The following DNAH12 variants were observed in gnomAD, a reference collection of about 807,000 sequenced individuals.
DNAH12 encodes dynein axonemal heavy chain 12.
A neutral mutation model predicts 371.5 loss-of-function variants in DNAH12; 285 were observed. That is an observed-to-expected ratio of 0.77 (90% CI 0.70 to 0.85). The LOEUF (loss-of-function observed/expected upper bound fraction) is 0.85. Among genes scored for constraint, DNAH12 ranks in the 40% least tolerant of loss-of-function variants. The pLI, the probability that DNAH12 is intolerant of heterozygous loss-of-function variation, is 0.00. For missense variants in DNAH12, 3,611 were observed against 3,689.4 expected (o/e 0.98, Z 0.55); for synonymous variants, 1,200 against 1,213.0 (o/e 0.99, Z 0.22).
At chr3:57,298,532 C>T (rs2061280052) in intron 70 of DNAH12, among the ~76,000 whole-genome samples, 1 of 152,234 alleles carries the variant, frequency 6.6e-6, no homozygotes, top group Non-Finnish European at 1.5e-5. Context: ...TTTGCAGTTA[C>T]ATGAGGGAAC....
At chr3:57,439,652 C>CAA (rs950690020) in intron 29 of DNAH12, among the ~76,000 whole-genome samples, 2 of 152,098 alleles carry the variant, frequency 1.3e-5, no homozygotes, top group African/African-American at 2.4e-5. Context: ...ACTAAGTCCT[C>CAA]AAAAGCAATC....
intron 39 of DNAH12, among the ~76,000 whole-genome samples, chr3:57,412,306 A>G (rs991912920): frequency 3.4e-4 from 52 of 152,232 alleles, no homozygotes; most frequent in African/African-American, 1.2e-3. Context: ...ACAATTAACT[A>G]AAAATGGATC....
chr3:57,461,857 T>A (rs970164277), intron 18 of DNAH12, among the ~76,000 whole-genome samples, 168 bp from the exon 19 acceptor site: 3 of 152,214 alleles, frequency 2.0e-5, no homozygotes, highest in Non-Finnish European at 2.9e-5. Flanking sequence ...TTTTCAACAA[T>A]TTAAAAATTC....
chr3:57,349,724 CTG>C (rs1553659502), intron 60 of DNAH12, among the ~76,000 whole-genome samples: 1 of 152,222 alleles, frequency 6.6e-6, no homozygotes, highest in East Asian at 1.9e-4. Context: ...GAGTCCCACT[CTG>C]TAGCTCAAGC....
chr3:57,402,113 G>A (rs1400549917), intron 43 of DNAH12, among the ~76,000 whole-genome samples: 2 of 152,174 alleles, frequency 1.3e-5, no homozygotes, highest in African/African-American at 4.8e-5. Context: ...CCTCTAAAGT[G>A]TAAGCAGAAA....
intron 60 of DNAH12, among the ~76,000 whole-genome samples, chr3:57,344,772 A>T (rs2062496743): frequency 6.6e-6 from 1 of 152,216 alleles, no homozygotes; most frequent in Non-Finnish European, 1.5e-5. Context: ...AGTAGAACAG[A>T]GTATACTAGA....
intron 11 of DNAH12, among the ~76,000 whole-genome samples, chr3:57,500,144 G>A (rs779810999): frequency 6.2e-5 from 7 of 112,486 alleles, no homozygotes; most frequent in African/African-American, 2.2e-4. Context: ...AGGTTCAAGC[G>A]ATCCTACTCC....
At chr3:57,456,881 T>C (rs1034089709) in intron 22 of DNAH12, among the ~76,000 whole-genome samples, 1 of 152,196 alleles carries the variant, frequency 6.6e-6, no homozygotes, top group Non-Finnish European at 1.5e-5. Flanking sequence ...CTCCTTACCC[T>C]TGTACTCTAC....
chr3:57,540,946 AGG>A (rs1417550234), intron 2 of DNAH12, among the ~76,000 whole-genome samples: 3 of 151,896 alleles, frequency 2.0e-5, no homozygotes, highest in African/African-American at 7.3e-5. Context: ...AAAAAAAAAA[AGG>A]AACAATGTAT....
At chr3:57,527,538 C>G (rs1559753589) in intron 2 of DNAH12, among the ~76,000 whole-genome samples, 1 of 152,080 alleles carries the variant, frequency 6.6e-6, no homozygotes, top group Admixed American at 6.6e-5. Flanking sequence ...AAAGCAGGAG[C>G]AAGAGCAGGG....
At chr3:57,461,756 C>T (rs2066060878) in intron 18 of DNAH12, 67 bp from the exon 19 acceptor site, 2 of 1,283,908 alleles carry the variant, frequency 1.6e-6, no homozygotes, top group African/African-American at 1.5e-5. Flanking sequence ...TATTGACTTT[C>T]CCTAGTGAAT....
chr3:57,296,563 A>AT (rs1331632736), intron 71 of DNAH12, 128 bp from the exon 72 acceptor site: 4 of 799,350 alleles, frequency 5.0e-6, no homozygotes, highest in African/African-American at 1.7e-5. Flanking sequence ...TAAACTATAC[A>AT]TTTTTTCAGC....
At chr3:57,390,408 C>CA (rs878912244) in intron 45 of DNAH12, among the ~76,000 whole-genome samples, 1,803 of 6,190 alleles carry the variant, frequency 0.29, 528 homozygotes, top group Non-Finnish European at 0.55. Flanking sequence ...GATCCTGTCT[C>CA]AAAAAAAAAA....
At chr3:57,437,500 G>A (rs2065165873) in intron 29 of DNAH12, among the ~76,000 whole-genome samples, 1 of 152,196 alleles carries the variant, frequency 6.6e-6, no homozygotes, top group Admixed American at 6.5e-5. Context: ...GTTTCAGAAA[G>A]GGATGATGAG....
intron 55 of DNAH12, among the ~76,000 whole-genome samples, chr3:57,372,282 G>A (rs2063191321): frequency 6.6e-6 from 1 of 151,924 alleles, no homozygotes; most frequent in South Asian, 2.1e-4. Context: ...TGTTTTAAAA[G>A]ATTTTTTTTA....
chr3:57,297,998 C>G (rs2061268655), intron 70 of DNAH12, among the ~76,000 whole-genome samples: 1 of 152,204 alleles, frequency 6.6e-6, no homozygotes, highest in Non-Finnish European at 1.5e-5. Flanking sequence ...ATTTTCAGTT[C>G]TATTATATCT....
At chr3:57,348,546 A>G (rs1301311840) in intron 60 of DNAH12, among the ~76,000 whole-genome samples, 1 of 152,190 alleles carries the variant, frequency 6.6e-6, no homozygotes, top group African/African-American at 2.4e-5. Context: ...GCTAACAAAT[A>G]TATCACTCTG....
At chr3:57,372,551 T>C (rs1016850748) in intron 55 of DNAH12, among the ~76,000 whole-genome samples, 3 of 151,968 alleles carry the variant, frequency 2.0e-5, no homozygotes, top group Non-Finnish European at 4.4e-5. Flanking sequence ...AAGTGAAATA[T>C]ATAACAGCAC....
chr3:57,368,163 A>C lies in DNAH12; in HGVS notation c.8857T>G (p.Tyr2953Asp), dbSNP rs1445413123. Reference sequence around the variant, plus strand: ...ATACAGTTTTCCAATGTTCTCATATAGTCTGAATCTGATAGCTTAATAACA... The same window carrying C: ...ATACAGTTTTCCAATGTTCTCATATCGTCTGAATCTGATAGCTTAATAACA... ...LSVIKLSDSD[Y>D]MRTLENCIQF... The change falls in exon 56 of 74, where the codon TAT becomes GAT. Residue 2953 changes from tyrosine to aspartate, a missense_variant. Around this residue, in one of 3 missense-constraint regions of DNAH12, gnomAD observed 2,266 missense variants for 2,236.9 expected, o/e 1.01. Transcript: ENST00000495027. 1 of 152,230 alleles carries C rather than the reference A, an allele frequency of 6.6e-6. No individual in the cohort carries two copies. Among genetic ancestry groups the C allele is most frequent in the African/African-American group, 2.4e-5 (1 of 41,466 alleles). 9.4% of individuals were successfully genotyped at this position (152,230 alleles called of 1,614,324 possible).
Sources: gnomAD v4.1 joint callset for allele counts (sites outside exome capture counted in the v4.1 genomes callset) on GRCh38, gnomAD v4.1.1 for gene constraint, gnomAD v4.1.1 regional missense constraint, MANE v1.5 for transcripts, NCBI Gene and HGNC (gene_info 2026-07-23, HGNC 2026-07-21) for gene names.